Variants in CIMIP6 observed in about 807,000 individuals in gnomAD.
The protein encoded by CIMIP6 is ciliary microtubule inner protein 6, also known as uncharacterized protein C2orf73.
At chr2:54,369,063 C>T in the CIMIP6 span, among the ~76,000 whole-genome samples, 9 of 152,124 alleles carry the variant, frequency 5.9e-5, no homozygotes, top group African/African-American at 1.7e-4. Context: ...CTGCATGCAT[C>T]GTATGCACAA....
the CIMIP6 span, among the ~76,000 whole-genome samples, chr2:54,332,383 T>A: frequency 6.6e-6 from 1 of 152,244 alleles, no homozygotes; most frequent in Non-Finnish European, 1.5e-5. Flanking sequence ...GGAATTTTTG[T>A]TTTGTCACTG....
At chr2:54,372,866 C>G in the CIMIP6 span, among the ~76,000 whole-genome samples, 1 of 152,160 alleles carries the variant, frequency 6.6e-6, no homozygotes, top group Non-Finnish European at 1.5e-5. Context: ...CTAACTGGCA[C>G]TCTTGGTATG....
At chr2:54,368,573 G>A in the CIMIP6 span, among the ~76,000 whole-genome samples, 2 of 152,212 alleles carry the variant, frequency 1.3e-5, no homozygotes, top group African/African-American at 4.8e-5. Context: ...TGAGAAGAGT[G>A]TCTTTGTTTA....
At chr2:54,338,359 C>CCATTCATGTCTTTCCTT in the CIMIP6 span, among the ~76,000 whole-genome samples, 1 of 18,974 alleles carries the variant, frequency 5.3e-5, no homozygotes, top group Admixed American at 4.8e-4. Flanking sequence ...GGCTTGAGCT[C>CCATTCATGTCTTTCCTT]AGGAGTTCAA....
chr2:54,335,041 T>C, the CIMIP6 span: 108 of 1,559,654 alleles, frequency 6.9e-5, no homozygotes, highest in Non-Finnish European at 9.1e-5. Context: ...CAGATGTTCA[T>C]TGTATACAAA....
the CIMIP6 span, among the ~76,000 whole-genome samples, chr2:54,348,478 G>T: frequency 4.0e-5 from 6 of 151,626 alleles, no homozygotes; most frequent in Non-Finnish European, 8.8e-5. Context: ...TGTATCCTAG[G>T]GTCTAGTACA....
chr2:54,357,601 C>G, the CIMIP6 span, among the ~76,000 whole-genome samples: 129,601 of 147,684 alleles, frequency 0.88, 57,017 homozygotes, highest in Admixed American at 0.91. Context: ...TTTTGAGACA[C>G]AGTCTTGCTC....
At chr2:54,377,685 A>G in the CIMIP6 span, among the ~76,000 whole-genome samples, 4 of 152,142 alleles carry the variant, frequency 2.6e-5, no homozygotes, top group Admixed American at 6.5e-5. Flanking sequence ...TCAGCAGTCC[A>G]TAGGTATGTT....
chr2:54,369,900 G>T, the CIMIP6 span, among the ~76,000 whole-genome samples: 3 of 152,148 alleles, frequency 2.0e-5, no homozygotes, highest in African/African-American at 7.2e-5. Flanking sequence ...AATTCACACA[G>T]TACAAAAACA....
At chr2:54,381,299 A>G in the CIMIP6 span, among the ~76,000 whole-genome samples, 3 of 152,272 alleles carry the variant, frequency 2.0e-5, no homozygotes, top group South Asian at 4.1e-4. Context: ...TTCTACTCCA[A>G]TTCCTAACTG....
the CIMIP6 span, among the ~76,000 whole-genome samples, chr2:54,347,351 G>A: frequency 1.3e-5 from 2 of 152,210 alleles, no homozygotes; most frequent in South Asian, 2.1e-4. Flanking sequence ...CATTAGAAGT[G>A]TGGTTTGTAC....
At chr2:54,351,552 A>G in the CIMIP6 span, among the ~76,000 whole-genome samples, 6 of 152,316 alleles carry the variant, frequency 3.9e-5, no homozygotes, top group African/African-American at 9.6e-5. Context: ...ACTTGTTCTT[A>G]TAAGTGGGAG....
At chr2:54,362,306 T>C in the CIMIP6 span, among the ~76,000 whole-genome samples, 1 of 152,212 alleles carries the variant, frequency 6.6e-6, no homozygotes, top group Admixed American at 6.5e-5. Flanking sequence ...AGAATGACTA[T>C]AATTTCAGAA....
At chr2:54,335,666 T>A in the CIMIP6 span, among the ~76,000 whole-genome samples, 1 of 152,204 alleles carries the variant, frequency 6.6e-6, no homozygotes, top group East Asian at 1.9e-4. Context: ...GTACAATTTA[T>A]TGTATTAGTT....
chr2:54,350,005 A>G, the CIMIP6 span, among the ~76,000 whole-genome samples: 1 of 152,018 alleles, frequency 6.6e-6, no homozygotes, highest in South Asian at 2.1e-4. Flanking sequence ...ACCCACCATC[A>G]TGCCCGGCTA....
At chr2:54,361,574 C>T in the CIMIP6 span, 1 of 152,168 alleles carries the variant, frequency 6.6e-6, no homozygotes, top group African/African-American at 2.4e-5. Flanking sequence ...TTGTGATAAA[C>T]TGCAAAATAA....
chr2:54,334,998 G>GTT, the CIMIP6 span: 1 of 1,602,184 alleles, frequency 6.2e-7, no homozygotes, highest in Non-Finnish European at 8.5e-7. Flanking sequence ...TCCCTACATA[G>GTT]ATCCCAAAAA....
the CIMIP6 span, among the ~76,000 whole-genome samples, chr2:54,375,996 ATGT>A: frequency 6.6e-6 from 1 of 152,254 alleles, no homozygotes; most frequent in Non-Finnish European, 1.5e-5. Flanking sequence ...ATACTCTTCA[ATGT>A]TGTTTAAAAT....
chr2:54,340,531 A>G, the CIMIP6 span, among the ~76,000 whole-genome samples: 1 of 152,228 alleles, frequency 6.6e-6, no homozygotes. Context: ...CATAAGGAAG[A>G]CTATCCAGAA....
Sources: gnomAD v4.1 joint callset for allele counts (sites outside exome capture counted in the v4.1 genomes callset) on GRCh38, gnomAD v4.1.1 for gene constraint, MANE v1.5 for transcripts, NCBI Gene and HGNC (gene_info 2026-07-23, HGNC 2026-07-21) for gene names.